Variants in GNPAT observed in about 807,000 individuals in gnomAD.
GNPAT encodes dihydroxyacetone phosphate acyltransferase.
A neutral mutation model predicts 78.4 loss-of-function variants in GNPAT; 30 were observed. That is an observed-to-expected ratio of 0.38 (90% CI 0.29 to 0.52). The LOEUF (loss-of-function observed/expected upper bound fraction) is 0.52. Among genes scored for constraint, GNPAT ranks in the 20% least tolerant of loss-of-function variants. The pLI is 0.84. For synonymous variants in GNPAT, 271 were observed against 281.1 expected, an observed-to-expected ratio of 0.96 and a Z score of 0.36; for missense variants, 714 against 812.2, an observed-to-expected ratio of 0.88 and a Z score of 1.47.
chr1:231,262,292 C>A (rs1243474646), intron 3 of GNPAT, among the ~76,000 whole-genome samples: 1 of 152,156 alleles, frequency 6.6e-6, no homozygotes, highest in African/African-American at 2.4e-5. Context: ...TAACAGTTGG[C>A]TTTTTAAGTC....
chr1:231,272,403 AC>A lies in GNPAT; in HGVS notation c.1602+13del. 1 of 1,391,024 alleles carries A rather than the reference AC, an allele frequency of 7.2e-7. No homozygotes were observed. The highest frequency in any genetic ancestry group is 1.4e-5 in the African/African-American group (1 of 70,916). The allele number at this position is 1,391,024 out of a possible 1,614,324, so 86.2% of individuals were successfully genotyped here. On this transcript the variant is annotated intron_variant, in intron 11 of 15. Coordinates refer to ENST00000366647, the MANE Select transcript of GNPAT (RefSeq NM_014236.4). ...GAAACACACTAAAGGTAAAGTGCTTACAACAAAGAGCAAGTATGTTTGCAGT... is the reference window on the plus strand; with the variant it reads ...GAAACACACTAAAGGTAAAGTGCTTAAACAAAGAGCAAGTATGTTTGCAGT...
chr1:231,247,160 C>T (rs1380861627), intron 1 of GNPAT, among the ~76,000 whole-genome samples: 2 of 149,022 alleles, frequency 1.3e-5, no homozygotes, highest in African/African-American at 4.9e-5. Flanking sequence ...AGAGAGACTC[C>T]ATCTCAAAAA....
intron 2 of GNPAT, among the ~76,000 whole-genome samples, chr1:231,252,801 A>G (rs547608698): frequency 6.6e-6 from 1 of 152,084 alleles, no homozygotes; most frequent in Non-Finnish European, 1.5e-5. Context: ...CTCATTCAGA[A>G]TTGCAGTATT....
intron 2 of GNPAT, among the ~76,000 whole-genome samples, chr1:231,256,292 C>G (rs1028251872): frequency 7.9e-5 from 12 of 151,434 alleles, no homozygotes; most frequent in Non-Finnish European, 1.8e-4. Context: ...AACTCTTTAC[C>G]CCTCCCACCC....
chr1:231,270,863 C>G lies in GNPAT; in HGVS notation c.1385C>G (p.Ser462Trp). The G allele has an allele frequency of 6.2e-7, 1 of 1,614,122 alleles. No homozygotes were observed. The highest frequency in any genetic ancestry group is 8.5e-7 in the Non-Finnish European group (1 of 1,179,988). The change falls in exon 10 of 16, where the codon TCG becomes TGG. Residue 462 changes from serine (S) to tryptophan (W), a missense_variant. Ser to Trp is a radical substitution (Grantham distance 177). Coordinates refer to ENST00000366647, the MANE Select transcript of GNPAT (RefSeq NM_014236.4). The part of the protein sequence containing the change: ...QVILKVDSGD[S>W]EVVDGLMLQH... ...ATTCTGAAAGTGGACTCCGGAGACT[C>G]GGAAGTGGTCGATGGGCTTATGCTC...
chr1:231,254,378 A>C (rs2102805774), intron 2 of GNPAT, among the ~76,000 whole-genome samples: 2 of 152,234 alleles, frequency 1.3e-5, no homozygotes, highest in South Asian at 4.1e-4. Context: ...ACTCTCCTTG[A>C]ACTTCCAGCC....
intron 12 of GNPAT, 96 bp downstream of exon 12, chr1:231,274,158 T>C (rs974677295): frequency 1.9e-6 from 2 of 1,077,824 alleles, no homozygotes; most frequent in Non-Finnish European, 1.4e-6. Context: ...AGGGCAGGTA[T>C]CTTCCCCAGG....
intron 2 of GNPAT, among the ~76,000 whole-genome samples, chr1:231,253,208 A>G (rs1045593919): frequency 6.6e-6 from 1 of 152,148 alleles, no homozygotes; most frequent in African/African-American, 2.4e-5. Flanking sequence ...TGACCTTGTG[A>G]TCTGCTCTCC....
chr1:231,273,876 T>C, intron 11 of GNPAT, 46 bp from the exon 12 acceptor site: 1 of 1,526,104 alleles, frequency 6.6e-7, no homozygotes, highest in South Asian at 1.1e-5. Flanking sequence ...ATGGGCACTA[T>C]ACCCATTAAC....
intron 9 of GNPAT, 36 bp from the exon 10 acceptor site, chr1:231,270,722 A>G: frequency 6.2e-7 from 1 of 1,611,262 alleles, no homozygotes; most frequent in Non-Finnish European, 8.5e-7. Flanking sequence ...CCCTGCAGTG[A>G]CCCATCTTGT....
chr1:231,254,741 T>C (rs1684998455), intron 2 of GNPAT, among the ~76,000 whole-genome samples: 1 of 150,926 alleles, frequency 6.6e-6, no homozygotes, highest in East Asian at 1.9e-4. Flanking sequence ...AGCCATTGCG[T>C]CCGGCCGAAA....
chr1:231,267,938 G>T (rs771503566), intron 9 of GNPAT, 35 bp downstream of exon 9: 11 of 1,263,786 alleles, frequency 8.7e-6, no homozygotes, highest in South Asian at 2.4e-5. Flanking sequence ...GAGAATGCTT[G>T]CTTAATTTGG....
chr1:231,255,411 C>T (rs1329840934), intron 2 of GNPAT, among the ~76,000 whole-genome samples: 2 of 152,012 alleles, frequency 1.3e-5, no homozygotes, highest in Non-Finnish European at 2.9e-5. Flanking sequence ...CTCTCTCCTC[C>T]TCTTTTAAGA....
intron 1 of GNPAT, 29 bp from the exon 2 acceptor site, chr1:231,250,932 T>G: frequency 7.0e-7 from 1 of 1,421,924 alleles, no homozygotes; most frequent in Non-Finnish European, 9.9e-7. Flanking sequence ...TTACAGTATG[T>G]GCTCATTACT....
intron 2 of GNPAT, among the ~76,000 whole-genome samples, chr1:231,253,042 C>T (rs1684944386): frequency 6.6e-6 from 1 of 152,190 alleles, no homozygotes; most frequent in African/African-American, 2.4e-5. Flanking sequence ...GATCTCGGCT[C>T]ACTGCAAGCT....
intron 1 of GNPAT, among the ~76,000 whole-genome samples, chr1:231,245,691 C>T (rs1318599428): frequency 6.6e-6 from 1 of 152,320 alleles, no homozygotes; most frequent in East Asian, 1.9e-4. Context: ...ATTAAATAGC[C>T]GGGCGCTGTG....
At chr1:231,247,476 G>A (rs553326145) in intron 1 of GNPAT, among the ~76,000 whole-genome samples, 1 of 152,298 alleles carries the variant, frequency 6.6e-6, no homozygotes, top group Admixed American at 6.5e-5. Flanking sequence ...AGACTGAAAG[G>A]AAAGGATGAC....
chr1:231,277,358 C>T (rs576510661), intron 15 of GNPAT, 141 bp from the exon 16 acceptor site: 87 of 671,006 alleles, frequency 1.3e-4, no homozygotes, highest in South Asian at 1.0e-3. Context: ...AGGGGGCTGG[C>T]GTCCCCATGG....
chr1:231,265,227 G>A, intron 4 of GNPAT, 66 bp from the exon 5 acceptor site: 4 of 1,133,082 alleles, frequency 3.5e-6, no homozygotes, highest in Non-Finnish European at 1.3e-6. Context: ...AAATAAGCAT[G>A]TTTAAGTTTA....
Sources: allele counts gnomAD v4.1 joint callset (sites outside exome capture counted in the v4.1 genomes callset), GRCh38; gene constraint gnomAD v4.1.1; transcripts MANE v1.5; gene names NCBI Gene and HGNC (gene_info 2026-07-23, HGNC 2026-07-21).